Variants in CPNE8 observed in about 807,000 individuals in gnomAD.
The protein encoded by CPNE8 is copine-8.
In CPNE8, 45 loss-of-function variants were observed where a neutral mutation model predicts 81.5. That is an observed-to-expected ratio of 0.55 (90% CI 0.44 to 0.71). CPNE8 has a LOEUF of 0.71. Among genes scored for constraint, CPNE8 ranks in the 30% least tolerant of loss-of-function variants. The pLI is 0.00. For missense variants in CPNE8, 594 were observed against 672.1 expected (o/e 0.88, Z 1.28); for synonymous variants, 252 against 226.3 (o/e 1.11, Z -1.02).
At chr12:38,808,703 T>C (rs1348632847) in intron 6 of CPNE8, among the ~76,000 whole-genome samples, 1 of 151,464 alleles carries the variant, frequency 6.6e-6, no homozygotes, top group East Asian at 1.9e-4. Flanking sequence ...TGTATACATA[T>C]GTAACTAACC....
At chr12:38,846,579 C>A (rs891937775) in intron 4 of CPNE8, among the ~76,000 whole-genome samples, 1 of 152,056 alleles carries the variant, frequency 6.6e-6, no homozygotes, top group African/African-American at 2.4e-5. Flanking sequence ...AAATTCAATT[C>A]TTGGAACAGG....
intron 19 of CPNE8, among the ~76,000 whole-genome samples, chr12:38,661,688 C>T (rs1209669931): frequency 6.6e-6 from 1 of 152,082 alleles, no homozygotes; most frequent in Non-Finnish European, 1.5e-5. Context: ...CAAAACCAGA[C>T]AAGGACACAA....
chr12:38,810,042 T>C (rs1030618254), intron 6 of CPNE8, among the ~76,000 whole-genome samples: 2 of 152,190 alleles, frequency 1.3e-5, no homozygotes, highest in African/African-American at 4.8e-5. Context: ...TCCTTTTTTG[T>C]AAAAGGGTAG....
intron 11 of CPNE8, among the ~76,000 whole-genome samples, chr12:38,727,162 C>T (rs1940721346): frequency 6.6e-6 from 1 of 152,064 alleles, no homozygotes; most frequent in African/African-American, 2.4e-5. Flanking sequence ...TAATCAAAGG[C>T]TTGCAAAAAT....
chr12:38,886,747 T>C lies in CPNE8; in HGVS notation c.99-12236A>G, dbSNP rs138082150. On this transcript the variant is annotated intron_variant, in intron 1 of 19. Coordinates refer to ENST00000331366, the MANE Select transcript of CPNE8 (RefSeq NM_153634.3). ...GAAAAATGAATCCTCTTGATATCTT[T>C]TTAAGTTTATACTGTCGGCCCAGCC... 3.8e-3 allele frequency among the ~76,000 whole-genome samples: 580 copies of C among 152,244 alleles called. 2 individuals are homozygous for C. Among genetic ancestry groups the C allele is most frequent in the Non-Finnish European group, 6.2e-3 (425 of 68,004 alleles).
intron 6 of CPNE8, among the ~76,000 whole-genome samples, chr12:38,780,234 T>A (rs1007622240): frequency 4.6e-5 from 7 of 152,226 alleles, no homozygotes; most frequent in African/African-American, 1.7e-4. Context: ...ATGTTTGGAT[T>A]AGACAAAGGT....
At chr12:38,696,568 G>A (rs747701955) in intron 14 of CPNE8, among the ~76,000 whole-genome samples, 31 of 152,016 alleles carry the variant, frequency 2.0e-4, no homozygotes, top group Non-Finnish European at 3.8e-4. Context: ...TTATATCATA[G>A]CTCACTTAAC....
At chr12:38,881,144 A>G (rs866257487) in intron 1 of CPNE8, among the ~76,000 whole-genome samples, 1 of 151,002 alleles carries the variant, frequency 6.6e-6, no homozygotes, top group South Asian at 2.1e-4. Flanking sequence ...CGGGAGGCGG[A>G]GCTTGCAGTG....
intron 11 of CPNE8, among the ~76,000 whole-genome samples, chr12:38,727,503 G>A (rs826873): frequency 0.57 from 85,857 of 151,926 alleles, 24,708 homozygotes; most frequent in East Asian, 0.81. Flanking sequence ...AAAAAAATGT[G>A]TCTTTTCTAG....
intron 7 of CPNE8, among the ~76,000 whole-genome samples, chr12:38,768,249 T>G (rs1406293338): frequency 6.6e-6 from 1 of 152,068 alleles, no homozygotes; most frequent in Admixed American, 6.6e-5. Context: ...ACTTTCTTAA[T>G]CATATACAAG....
intron 10 of CPNE8, among the ~76,000 whole-genome samples, chr12:38,748,955 T>C (rs1243795952): frequency 6.6e-6 from 1 of 152,216 alleles, no homozygotes; most frequent in African/African-American, 2.4e-5. Flanking sequence ...TTATTTGTTA[T>C]ATATTAAGTT....
intron 10 of CPNE8, among the ~76,000 whole-genome samples, chr12:38,746,914 T>C (rs1435717599): frequency 6.6e-6 from 1 of 152,164 alleles, no homozygotes; most frequent in East Asian, 1.9e-4. Flanking sequence ...ATGTAATGTA[T>C]CTTAATTAAA....
intron 10 of CPNE8, among the ~76,000 whole-genome samples, chr12:38,751,299 G>A (rs1941348818): frequency 1.3e-5 from 2 of 152,126 alleles, no homozygotes; most frequent in Non-Finnish European, 2.9e-5. Context: ...TAATATTCTA[G>A]TAAATTTCAT....
intron 13 of CPNE8, among the ~76,000 whole-genome samples, chr12:38,709,143 T>C (rs772388203): frequency 3.3e-5 from 5 of 152,220 alleles, no homozygotes; most frequent in Non-Finnish European, 5.9e-5. Context: ...CCAATATGTA[T>C]TCTAGTTCAC....
intron 19 of CPNE8, among the ~76,000 whole-genome samples, chr12:38,662,854 A>AT (rs1421652159): frequency 2.6e-5 from 4 of 152,154 alleles, no homozygotes; most frequent in African/African-American, 4.8e-5. Flanking sequence ...CAGCCAACTG[A>AT]TTTTTGACAA....
chr12:38,805,958 G>C (rs555680253), intron 6 of CPNE8, among the ~76,000 whole-genome samples: 12 of 150,216 alleles, frequency 8.0e-5, no homozygotes, highest in Admixed American at 4.0e-4. Context: ...ACTACCATCA[G>C]AGAATACTAC....
At chr12:38,826,033 T>C (rs560228529) in intron 6 of CPNE8, among the ~76,000 whole-genome samples, 1 of 152,326 alleles carries the variant, frequency 6.6e-6, no homozygotes, top group South Asian at 2.1e-4. Context: ...CTGCAATTCC[T>C]AAGGTTTTGT....
rs150766101 is a variant in CPNE8 at position 38,876,457 on chromosome 12, C to G, written c.99-1946G>C. 8.5e-3 allele frequency among the ~76,000 whole-genome samples: 1,292 copies of G among 152,294 alleles called. 18 individuals are homozygous for G. Among genetic ancestry groups the G allele is most frequent in the Middle Eastern group, 0.037 (11 of 294 alleles). ...CAAACTCCCGACCTCAGGTGATCCA[C>G]CCACCTCTGCCTCCCAAAGTGCTGG... is the stretch of plus-strand genomic sequence containing the variant. On this transcript the variant is annotated intron_variant, in intron 1 of 19. Transcript: ENST00000331366.
chr12:38,724,780 T>G, intron 12 of CPNE8, 66 bp downstream of exon 12: 1 of 1,067,982 alleles, frequency 9.4e-7, no homozygotes, highest in East Asian at 2.7e-5. Flanking sequence ...GGATTAAAGA[T>G]GCCATCTACA....
Sources: allele counts gnomAD v4.1 joint callset (sites outside exome capture counted in the v4.1 genomes callset), GRCh38; gene constraint gnomAD v4.1.1; transcripts MANE v1.5; gene names NCBI Gene and HGNC (gene_info 2026-07-23, HGNC 2026-07-21).